Variants in CDYL2 observed in about 807,000 individuals in gnomAD.
The protein encoded by CDYL2 is chromodomain Y-like protein 2.
CDYL2 carries 23 observed loss-of-function variants against 49.4 expected under a neutral mutation model. That is an observed-to-expected ratio of 0.47 (90% CI 0.34 to 0.66). The LOEUF is 0.66. Ranked by LOEUF, CDYL2 falls within the 30% of genes least tolerant of loss-of-function variation. The pLI, the probability that CDYL2 is intolerant of heterozygous loss-of-function variation, is 0.01. For missense variants in CDYL2, 678 were observed against 656.4 expected, an observed-to-expected ratio of 1.03 and a Z score of -0.36; for synonymous variants, 360 against 268.8, an observed-to-expected ratio of 1.34 and a Z score of -3.32.
chr16:80,685,791 G>C (rs1023827566), intron 1 of CDYL2, among the ~76,000 whole-genome samples: 1 of 152,160 alleles, frequency 6.6e-6, no homozygotes. Flanking sequence ...AGAATGGTAA[G>C]GGCAGAACTG....
At chr16:80,617,826 T>C (rs941360862) in intron 4 of CDYL2, among the ~76,000 whole-genome samples, 4 of 152,180 alleles carry the variant, frequency 2.6e-5, no homozygotes, top group Non-Finnish European at 5.9e-5. Flanking sequence ...GCGTTTCTCT[T>C]AGTGCTCTCA....
chr16:80,772,915 CA>C (rs1392876950), intron 1 of CDYL2, among the ~76,000 whole-genome samples: 5 of 150,530 alleles, frequency 3.3e-5, no homozygotes, highest in Non-Finnish European at 7.4e-5. Flanking sequence ...ATAGGTGGGA[CA>C]AAAAGAAAGC....
At chr16:80,699,542 T>A (rs1904290385) in intron 1 of CDYL2, among the ~76,000 whole-genome samples, 1 of 152,118 alleles carries the variant, frequency 6.6e-6, no homozygotes, top group Non-Finnish European at 1.5e-5. Context: ...TAGGGAGAGG[T>A]TAGTTAATAA....
At chr16:80,632,601 GTAGTAACATATA>G (rs1907614551) in intron 3 of CDYL2, 1 of 188,466 alleles carries the variant, frequency 5.3e-6, no homozygotes, top group East Asian at 1.2e-4. Context: ...TATACAATAT[GTAGTAACATATA>G]TATGTATTAT....
rs1906667172 is a variant in CDYL2, at chr16:80,612,914, T to C, written c.1008-78A>G. ...CACTGGAACCCTTGACTCTCCCAGG[T>C]GCTGTGAGGAGCACCCTCAGGTCGT... is the stretch of plus-strand genomic sequence containing the variant. On this transcript the variant is annotated intron_variant, in intron 4 of 6. Transcript: ENST00000570137. This position sits in a 1 kb window ranked among gnomAD's most constrained non-coding sequence, Gnocchi z 5.0. 2 of 1,345,402 alleles carry C rather than the reference T, an allele frequency of 1.5e-6. No homozygotes were observed. The highest frequency in any genetic ancestry group is 1.5e-5 in the African/African-American group (1 of 68,014). 83.3% of individuals were successfully genotyped at this position (1,345,402 alleles called of 1,614,324 possible).
At chr16:80,698,939 T>G (rs1024436313) in intron 1 of CDYL2, among the ~76,000 whole-genome samples, 1 of 151,834 alleles carries the variant, frequency 6.6e-6, no homozygotes, top group East Asian at 1.9e-4. Flanking sequence ...ACCAGGAAAA[T>G]GCAAATCAAA....
chr16:80,718,285 A>G (rs1904880553), intron 1 of CDYL2, among the ~76,000 whole-genome samples: 1 of 152,258 alleles, frequency 6.6e-6, no homozygotes, highest in Non-Finnish European at 1.5e-5. Flanking sequence ...TGTCAAAATC[A>G]TCTTAAAATA....
intron 1 of CDYL2, among the ~76,000 whole-genome samples, chr16:80,747,934 C>A (rs1905988346): frequency 6.6e-6 from 1 of 151,900 alleles, no homozygotes; most frequent in Non-Finnish European, 1.5e-5. Flanking sequence ...TTCCTGAATT[C>A]TCAGGCAGGA....
At chr16:80,617,755 T>C (rs1489913473) in intron 4 of CDYL2, among the ~76,000 whole-genome samples, 1 of 152,220 alleles carries the variant, frequency 6.6e-6, no homozygotes, top group Non-Finnish European at 1.5e-5. Flanking sequence ...GTATCACCTC[T>C]TTCCTCATAC....
At chr16:80,776,412 G>A (rs570791403) in intron 1 of CDYL2, among the ~76,000 whole-genome samples, 5 of 152,046 alleles carry the variant, frequency 3.3e-5, no homozygotes, top group African/African-American at 4.8e-5. Flanking sequence ...TCTTTGGCAC[G>A]GATATACTAG....
intron 3 of CDYL2, among the ~76,000 whole-genome samples, chr16:80,623,196 C>T (rs1907158783): frequency 6.6e-6 from 1 of 151,774 alleles, no homozygotes; most frequent in Non-Finnish European, 1.5e-5. Context: ...GCCCCAGCCC[C>T]GACGTATGAC....
At chr16:80,621,001 T>G (rs559157134) in intron 3 of CDYL2, 66 bp from the exon 4 acceptor site, 1 of 1,454,122 alleles carries the variant, frequency 6.9e-7, no homozygotes, top group South Asian at 1.4e-5. Context: ...GCTTTCAGAC[T>G]GCAAGACAGC....
At chr16:80,662,802 T>G in intron 2 of CDYL2, 1 of 454,910 alleles carries the variant, frequency 2.2e-6, no homozygotes, top group Non-Finnish European at 4.4e-6. Flanking sequence ...TGTAGGAAAA[T>G]CATCATGGAT....
intron 3 of CDYL2, among the ~76,000 whole-genome samples, chr16:80,630,443 C>A (rs13336748): frequency 9.9e-5 from 15 of 152,084 alleles, no homozygotes; most frequent in African/African-American, 2.4e-5. Flanking sequence ...TTTTAGAGCA[C>A]GCTTTTAGAA....
At chr16:80,698,391 G>C (rs1395615164) in intron 1 of CDYL2, among the ~76,000 whole-genome samples, 1 of 152,056 alleles carries the variant, frequency 6.6e-6, no homozygotes, top group Non-Finnish European at 1.5e-5. Flanking sequence ...AATATACAAG[G>C]AACTCAACAC....
intron 3 of CDYL2, among the ~76,000 whole-genome samples, chr16:80,621,435 T>C (rs1343263429): frequency 6.6e-6 from 1 of 152,226 alleles, no homozygotes; most frequent in African/African-American, 2.4e-5. Flanking sequence ...GGCTTTGGCA[T>C]CAGATCCAGA....
rs1005306878 is a variant in CDYL2 at position 80,602,678 on chromosome 16, C to T, written c.*1710G>A. The T allele has an allele frequency of 1.3e-5, 2 of 152,332 alleles. No individual in the cohort carries two copies. The highest frequency in any genetic ancestry group is 1.9e-4 in the East Asian group (1 of 5,180). 9.4% of individuals were successfully genotyped at this position (152,332 alleles called of 1,614,324 possible). Reference sequence around the variant, plus strand: ...ATAAGCTGTGCCCACTTCTTGCTGCCTTATTCCACTCTCTTCAAAGAAGGG... The same window carrying T: ...ATAAGCTGTGCCCACTTCTTGCTGCTTTATTCCACTCTCTTCAAAGAAGGG... On this transcript the variant is annotated 3_prime_UTR_variant, in exon 7 of 7. Transcript: ENST00000570137.
chr16:80,619,586 C>A (rs1010732858), intron 4 of CDYL2, among the ~76,000 whole-genome samples: 2 of 152,218 alleles, frequency 1.3e-5, no homozygotes, highest in African/African-American at 4.8e-5. Context: ...TGTGGTCCCC[C>A]TTTGATACAT....
At chr16:80,639,358 C>T (rs1004702199) in intron 2 of CDYL2, among the ~76,000 whole-genome samples, 2 of 152,190 alleles carry the variant, frequency 1.3e-5, no homozygotes, top group African/African-American at 4.8e-5. Flanking sequence ...ACGCATTCAC[C>T]ATAATGATGT....
Sources: gnomAD v4.1 joint callset for allele counts (sites outside exome capture counted in the v4.1 genomes callset) on GRCh38, gnomAD v4.1.1 for gene constraint, Gnocchi (gnomAD v3.1) non-coding constraint, MANE v1.5 for transcripts, NCBI Gene and HGNC (gene_info 2026-07-23, HGNC 2026-07-21) for gene names.